Variants in NMNAT3 observed in about 807,000 individuals in gnomAD.
The protein encoded by NMNAT3 is nicotinamide nucleotide adenylyltransferase 3.
A neutral mutation model predicts 24.8 loss-of-function variants in NMNAT3; 21 were observed. The observed-to-expected ratio is 0.85, with a 90% CI of 0.60 to 1.22. The LOEUF (loss-of-function observed/expected upper bound fraction) is 1.22, where lower values mean the gene tolerates loss of function less well. NMNAT3 is among the 50% of genes most tolerant of loss of function. The probability of loss-of-function intolerance (pLI) is 0.00; values close to 1 mark genes in which losing one functional copy is unlikely to be tolerated. For missense variants in NMNAT3, 387 were observed against 436.6 expected, an observed-to-expected ratio of 0.89 and a Z score of 1.01; for synonymous variants, 136 against 155.2, an observed-to-expected ratio of 0.88 and a Z score of 0.92.
chr3:139,621,395 G>A (rs528605189), intron 3 of NMNAT3, among the ~76,000 whole-genome samples: 4 of 152,166 alleles, frequency 2.6e-5, no homozygotes, highest in South Asian at 2.1e-4. Flanking sequence ...TTTGTTTGTC[G>A]AGACAGGGCT....
At position 139,582,109 on chromosome 3, in the gene NMNAT3, C is replaced by T. The variant is rs938497462; in HGVS notation, c.391+818G>A. ...GCTAGCAAGGCTGAGGCAGGAGAAT[C>T]GCCTGAGCCCAGGAGGCAGAGGTTG... On this transcript the variant is annotated intron_variant, in intron 4 of 6. Coordinates refer to ENST00000643695, the MANE Select transcript of NMNAT3 (RefSeq NM_001320510.2). Among the ~76,000 whole-genome samples the T allele has an allele frequency of 5.4e-5, 8 of 146,946 alleles. 1 individual carries two copies. Among genetic ancestry groups the T allele is most frequent in the South Asian group, 2.2e-4 (1 of 4,512 alleles).
intron 3 of NMNAT3, among the ~76,000 whole-genome samples, chr3:139,593,252 C>A (rs2054285034): frequency 1.3e-5 from 2 of 151,866 alleles, no homozygotes; most frequent in Non-Finnish European, 2.9e-5. Flanking sequence ...AAGGGATCAA[C>A]AAGAAGAGCT....
intron 3 of NMNAT3, among the ~76,000 whole-genome samples, chr3:139,618,931 CA>C (rs1222903098): frequency 2.0e-5 from 3 of 152,162 alleles, no homozygotes; most frequent in Non-Finnish European, 4.4e-5. Context: ...GAGTCCTCCC[CA>C]TCTTGTCAGC....
chr3:139,642,747 T>C (rs2056748428), intron 1 of NMNAT3, among the ~76,000 whole-genome samples: 1 of 152,074 alleles, frequency 6.6e-6, no homozygotes, highest in Non-Finnish European at 1.5e-5. Flanking sequence ...GGGGCTTCCT[T>C]CATTGTGGTG....
intron 3 of NMNAT3, among the ~76,000 whole-genome samples, chr3:139,583,925 C>A (rs1203667943): frequency 6.6e-6 from 1 of 152,272 alleles, no homozygotes; most frequent in Non-Finnish European, 1.5e-5. Context: ...TCTGCACCAT[C>A]TGCAGTGATG....
chr3:139,651,069 A>T (rs543862513), intron 1 of NMNAT3, among the ~76,000 whole-genome samples: 1 of 152,322 alleles, frequency 6.6e-6, no homozygotes, highest in South Asian at 2.1e-4. Flanking sequence ...ACCCAATATG[A>T]ACATTTCTAT....
chr3:139,596,935 TA>T (rs1237541549), intron 3 of NMNAT3, among the ~76,000 whole-genome samples: 3 of 44,640 alleles, frequency 6.7e-5, no homozygotes, highest in Admixed American at 6.3e-4. Context: ...TATATATATA[TA>T]TATATATATA....
intron 3 of NMNAT3, among the ~76,000 whole-genome samples, chr3:139,602,171 C>CT (rs1473105177): frequency 6.6e-6 from 1 of 152,138 alleles, no homozygotes; most frequent in Non-Finnish European, 1.5e-5. Flanking sequence ...GCTTAGCTGC[C>CT]TTTTTTGCAT....
intron 5 of NMNAT3, among the ~76,000 whole-genome samples, chr3:139,577,601 C>G (rs868477806): frequency 3.3e-5 from 5 of 152,174 alleles, no homozygotes; most frequent in Admixed American, 6.5e-5. Flanking sequence ...TCTATTCCCC[C>G]TCTCTTAGCC....
At chr3:139,653,495 T>C (rs2057127287) in intron 1 of NMNAT3, among the ~76,000 whole-genome samples, 1 of 152,220 alleles carries the variant, frequency 6.6e-6, no homozygotes, top group Non-Finnish European at 1.5e-5. Context: ...TTATATAATA[T>C]TTAATAAAGT....
chr3:139,571,348 C>G (rs954187148), intron 6 of NMNAT3: 1 of 152,272 alleles, frequency 6.6e-6, no homozygotes, highest in Admixed American at 6.6e-5. Flanking sequence ...TACGCTGCTT[C>G]CACTGTCCTG....
At chr3:139,672,123 T>G (rs769596648) in intron 1 of NMNAT3, among the ~76,000 whole-genome samples, 15 of 152,216 alleles carry the variant, frequency 9.9e-5, no homozygotes, top group African/African-American at 3.6e-4. Flanking sequence ...CGTACTCTCC[T>G]CTTTCCAGAA....
chr3:139,591,854 C>T (rs2054203702), intron 3 of NMNAT3, among the ~76,000 whole-genome samples: 1 of 152,222 alleles, frequency 6.6e-6, no homozygotes, highest in Non-Finnish European at 1.5e-5. Flanking sequence ...GTAGATAAAA[C>T]CACAAAGATG....
intron 3 of NMNAT3, among the ~76,000 whole-genome samples, chr3:139,596,920 A>G (rs937560948): frequency 0.24 from 3,939 of 16,646 alleles, 247 homozygotes; most frequent in African/African-American, 0.34. Flanking sequence ...ATGTGTGTAT[A>G]TATATATATA....
intron 3 of NMNAT3, among the ~76,000 whole-genome samples, chr3:139,605,790 G>A (rs373481081): frequency 6.6e-6 from 1 of 151,996 alleles, no homozygotes; most frequent in South Asian, 2.1e-4. Flanking sequence ...CCTAAAATGG[G>A]GGAGGGGGCA....
At chr3:139,591,696 C>A (rs13091202) in intron 3 of NMNAT3, among the ~76,000 whole-genome samples, 19,391 of 151,724 alleles carry the variant, frequency 0.13, 1,057 homozygotes, top group Admixed American at 0.21. Flanking sequence ...GAGGCACCCC[C>A]CAGCAGGGGC....
At chr3:139,624,795 C>T (rs758767703) in intron 3 of NMNAT3, among the ~76,000 whole-genome samples, 2 of 152,156 alleles carry the variant, frequency 1.3e-5, no homozygotes, top group Non-Finnish European at 2.9e-5. Flanking sequence ...GGTAAATGTT[C>T]TGTGTGCCCT....
At chr3:139,603,183 A>C (rs1299538767) in intron 3 of NMNAT3, among the ~76,000 whole-genome samples, 1 of 152,192 alleles carries the variant, frequency 6.6e-6, no homozygotes, top group Non-Finnish European at 1.5e-5. Context: ...ATCCTTTGAG[A>C]GCCCTTAATG....
chr3:139,579,109 G>C, intron 4 of NMNAT3, 54 bp from the exon 5 acceptor site: 1 of 1,491,252 alleles, frequency 6.7e-7, no homozygotes, highest in Non-Finnish European at 9.2e-7. Context: ...TCACCACCTG[G>C]CAGCCTGAAT....
Sources: gnomAD v4.1 joint callset for allele counts (sites outside exome capture counted in the v4.1 genomes callset) on GRCh38, gnomAD v4.1.1 for gene constraint, MANE v1.5 for transcripts, NCBI Gene and HGNC (gene_info 2026-07-23, HGNC 2026-07-21) for gene names.